The following ZNF692 variants were observed in gnomAD, a reference collection of about 807,000 sequenced individuals.
The protein encoded by ZNF692 is zinc finger protein 692.
A neutral mutation model predicts 49.0 loss-of-function variants in ZNF692; 41 were observed. The observed-to-expected ratio is 0.84, with a 90% CI of 0.65 to 1.08. The LOEUF (loss-of-function observed/expected upper bound fraction) is 1.08. ZNF692 is among the 50% of genes least tolerant of loss of function. The probability of loss-of-function intolerance (pLI) is 0.00; values close to 1 mark genes in which losing one functional copy is unlikely to be tolerated. For synonymous variants in ZNF692, 288 were observed against 251.5 expected (o/e 1.15, Z -1.37); for missense variants, 662 against 662.2 (o/e 1.00, Z 0.00).
intron 3 of ZNF692, 123 bp downstream of exon 3, chr1:248,857,705 G>A: frequency 6.7e-7 from 1 of 1,501,134 alleles, no homozygotes; most frequent in Non-Finnish European, 8.9e-7. Context: ...ACTACCCTGT[G>A]CTCCCCAACT....
chr1:248,850,673 A>C lies in ZNF692; in HGVS notation c.1253+9T>G. The C allele has an allele frequency of 6.2e-7, 1 of 1,613,036 alleles. No individual in the cohort carries two copies. The highest frequency in any genetic ancestry group is 1.3e-5 in the African/African-American group (1 of 74,980). Reference sequence around the variant, plus strand: ...GCCCCTGGCCCTCAGACCCCACCCCAGCACTCACTGCAGGGGTTTTTCTCC... The same window carrying C: ...GCCCCTGGCCCTCAGACCCCACCCCCGCACTCACTGCAGGGGTTTTTCTCC... On this transcript the variant is annotated intron_variant, in intron 11 of 11. Transcript: ENST00000306601.
chr1:248,855,729 C>G lies in ZNF692; in HGVS notation c.877G>C (p.Ala293Pro). 1 of 1,614,214 alleles carries G rather than the reference C, an allele frequency of 6.2e-7. No homozygotes were observed. The highest frequency in any genetic ancestry group is 8.5e-7 in the Non-Finnish European group (1 of 1,180,044). ...CTGTCTCAGCCATCAGGTTACCTGG[C>G]CAGGGCCTCAGTCTGCTGGGCCGCT... is the stretch of plus-strand genomic sequence containing the variant. ...PQAAQQTEAL[A>P]STGSQAQSAP... The change falls in exon 7 of 12, where the codon GCC (alanine) becomes CCC (proline). Residue 293 changes from alanine to proline, a missense_variant. By Grantham distance (27) the Ala-to-Pro change is conservative. Transcript: ENST00000306601.
At chr1:248,852,687 C>T (rs1659735672) in intron 10 of ZNF692, among the ~76,000 whole-genome samples, 2 of 152,348 alleles carry the variant, frequency 1.3e-5, no homozygotes, top group Middle Eastern at 3.4e-3. Context: ...ACCACTGCCA[C>T]ATCTGGTCTC....
In ZNF692 at chr1:248,858,928, CCA is replaced by C. The variant is rs1660580048; in HGVS notation, c.-25_-24del. 1 of 235,056 alleles carries C rather than the reference CCA, an allele frequency of 4.3e-6. No individual in the cohort carries two copies. The highest frequency in any genetic ancestry group is 2.2e-5 in the African/African-American group (1 of 44,530). 14.6% of individuals were successfully genotyped at this position (235,056 alleles called of 1,614,324 possible). On this transcript the variant is annotated 5_prime_UTR_variant, in exon 1 of 12. Transcript: ENST00000306601. This position sits in a 1 kb window ranked among gnomAD's most constrained non-coding sequence, Gnocchi z 4.3. ...CCACCCCGGCCTTACCTGTGCGCCC[CCA>C]CGCGCCCTCACCCCCACTGCGCCTG...
At chr1:248,852,038 G>A (rs1339976017) in intron 10 of ZNF692, among the ~76,000 whole-genome samples, 4 of 152,264 alleles carry the variant, frequency 2.6e-5, no homozygotes, top group East Asian at 3.9e-4. Flanking sequence ...GCCCAACTCA[G>A]GATAGACACA....
intron 3 of ZNF692, 27 bp downstream of exon 3, chr1:248,857,801 T>C: frequency 6.2e-7 from 1 of 1,612,416 alleles, no homozygotes; most frequent in South Asian, 1.1e-5. Context: ...TCCCTCTGGC[T>C]CTCACCCCCT....
At chr1:248,853,862 A>T in intron 10 of ZNF692, 75 bp downstream of exon 10, 1 of 1,215,054 alleles carries the variant, frequency 8.2e-7, no homozygotes, top group Non-Finnish European at 1.2e-6. Context: ...GAAGAAACCC[A>T]CAGAGCCCAG....
intron 10 of ZNF692, among the ~76,000 whole-genome samples, chr1:248,852,697 CCTATT>C (rs1265400501): frequency 3.3e-5 from 5 of 152,204 alleles, no homozygotes; most frequent in Admixed American, 6.5e-5. Flanking sequence ...CATCTGGTCT[CCTATT>C]CTCAGCTCAC....
Position 248,858,146 on chromosome 1 carries a change from T to TTGGCGAGCTGC in ZNF692, c.153_163dup (p.Lys55SerfsTer76). 6.4e-7 allele frequency: 1 copy of TTGGCGAGCTGC among 1,568,186 alleles called. No homozygotes were observed. The highest frequency in any genetic ancestry group is 8.6e-7 in the Non-Finnish European group (1 of 1,159,224). On this transcript the variant is annotated frameshift_variant, in exon 2 of 12. Coordinates refer to ENST00000306601, the MANE Select transcript of ZNF692 (RefSeq NM_017865.4). LOFTEE classifies it high-confidence loss of function. This position sits in a 1 kb window ranked among gnomAD's most constrained non-coding sequence, Gnocchi z 4.3. ...GGCCCCTAACCGGTCCAACAGGAAC[T>TTGGCGAGCTGC]TGGCGAGCTGCGAGTGCAGGGAGAA...
intron 6 of ZNF692, 145 bp from the exon 7 acceptor site, chr1:248,856,091 A>G: frequency 8.4e-7 from 1 of 1,189,840 alleles, no homozygotes; most frequent in South Asian, 1.5e-5. Context: ...ATCTGCTTTC[A>G]GCCCTCAATC....
Position 248,850,153 on chromosome 1 carries a change from G to A in ZNF692, c.*57C>T, listed in dbSNP as rs898733177. Reference sequence around the variant, plus strand: ...CATTTCTCAAGCAGACCCTCTCCTTGTTGCTCCTTTTCAGTCCCTGGAGTC... The same window carrying A: ...CATTTCTCAAGCAGACCCTCTCCTTATTGCTCCTTTTCAGTCCCTGGAGTC... On this transcript the variant is annotated 3_prime_UTR_variant, in exon 12 of 12. Coordinates refer to ENST00000306601, the MANE Select transcript of ZNF692 (RefSeq NM_017865.4). 6.7e-6 allele frequency: 10 copies of A among 1,499,266 alleles called. No individual in the cohort carries two copies. Among genetic ancestry groups the A allele is most frequent in the African/African-American group, 5.6e-5 (4 of 71,278 alleles). The allele number at this position is 1,499,266 out of a possible 1,614,324, so 92.9% of individuals were successfully genotyped here.
chr1:248,853,850 G>A, intron 10 of ZNF692, 87 bp downstream of exon 10: 1 of 1,014,268 alleles, frequency 9.9e-7, no homozygotes, highest in Non-Finnish European at 1.5e-6. Flanking sequence ...AGAGGGGGAG[G>A]TGAAGAAACC....
rs373004671 is a variant in ZNF692 at position 248,857,396 on chromosome 1, C to T, written c.313G>A (p.Gly105Ser). The T allele has an allele frequency of 2.0e-5, 32 of 1,614,014 alleles. No individual in the cohort carries two copies. Among genetic ancestry groups the T allele is most frequent in the South Asian group, 5.5e-5 (5 of 91,090 alleles). The change falls in exon 4 of 12, where the codon GGC becomes AGC. Residue 105 changes from glycine (G) to serine (S), a missense_variant. Coordinates refer to ENST00000306601, the MANE Select transcript of ZNF692 (RefSeq NM_017865.4). ...TCCCACACAAGCCCCCCATCTTGGC[C>T]GCCAGGCCCCCGAAGCCCGGGCACC... ...SLVPGLRGPGGQDGGLVWECS... is the reference protein window; with the variant it reads ...SLVPGLRGPGSQDGGLVWECS...
intron 9 of ZNF692, among the ~76,000 whole-genome samples, 182 bp downstream of exon 9, chr1:248,855,198 G>C (rs1660081508): frequency 6.6e-6 from 1 of 152,156 alleles, no homozygotes; most frequent in South Asian, 2.1e-4. Flanking sequence ...CTGCAAAGTG[G>C]GAATAATAGC....
At chr1:248,853,752 T>C (rs1177049553) in intron 10 of ZNF692, among the ~76,000 whole-genome samples, 185 bp downstream of exon 10, 1 of 152,102 alleles carries the variant, frequency 6.6e-6, no homozygotes, top group Admixed American at 6.5e-5. Flanking sequence ...AAGCAGGTGC[T>C]CAACACACAG....
Position 248,855,464 on chromosome 1 carries a change from GAGA to G in ZNF692, c.960-9_960-7del. 1 of 1,614,072 alleles carries G rather than the reference GAGA, an allele frequency of 6.2e-7. No homozygotes were observed. The highest frequency in any genetic ancestry group is 8.5e-7 in the Non-Finnish European group (1 of 1,179,994). ...GCTCTCTTTTGGCAGCTTTCCTGAG[GAGA>G]AGAATGGAAAGGAGCAGCATGACTC... On this transcript the variant is annotated splice_region_variant and splice_polypyrimidine_tract_variant and intron_variant, in intron 8 of 11. Coordinates refer to ENST00000306601, the MANE Select transcript of ZNF692 (RefSeq NM_017865.4).
At position 248,853,886 on chromosome 1, in the gene ZNF692, A is replaced by T. The variant is rs769673573; in HGVS notation, c.1153+51T>A. 2.0e-6 allele frequency: 3 copies of T among 1,464,138 alleles called. No individual in the cohort carries two copies. In the Admixed American group the frequency reaches 5.1e-5, roughly 25 times the overall value. The allele number at this position is 1,464,138 out of a possible 1,614,324, so 90.7% of individuals were successfully genotyped here. On this transcript the variant is annotated intron_variant, in intron 10 of 11. Transcript: ENST00000306601. ...CACAGAGCCCAGGGTGACGGGACCC[A>T]CAAAGGAAGGTAAAAGGTCCCACAG...
At position 248,855,645 on chromosome 1, in the gene ZNF692, G is replaced by A. The variant is rs1473568182; in HGVS notation, c.882-10C>T. 2.5e-6 allele frequency: 4 copies of A among 1,614,098 alleles called. No homozygotes were observed. Among genetic ancestry groups the A allele is most frequent in the Non-Finnish European group, 3.4e-6 (4 of 1,180,038 alleles). ...GGCCTGACTCCCAGTGCTACGGGCA[G>A]CAAAGAGGGAGCAGAGGGCCTCGAG... On this transcript the variant is annotated splice_polypyrimidine_tract_variant and intron_variant, in intron 7 of 11. Transcript: ENST00000306601.
At chr1:248,852,172 C>T (rs1464784953) in intron 10 of ZNF692, among the ~76,000 whole-genome samples, 1 of 152,090 alleles carries the variant, frequency 6.6e-6, no homozygotes, top group Admixed American at 6.5e-5. Context: ...GTCTGCATTT[C>T]CCTCATCAGT....
Sources: gnomAD v4.1 joint callset for allele counts (sites outside exome capture counted in the v4.1 genomes callset) on GRCh38, gnomAD v4.1.1 for gene constraint, Gnocchi (gnomAD v3.1) non-coding constraint, MANE v1.5 for transcripts, NCBI Gene and HGNC (gene_info 2026-07-23, HGNC 2026-07-21) for gene names.